The following LCOR variants were observed in gnomAD, a reference collection of about 807,000 sequenced individuals.
LCOR encodes ligand-dependent corepressor.
Under a neutral mutation model 64.4 loss-of-function variants are expected in LCOR, and 14 were observed. The observed-to-expected ratio is 0.22, with a 90% CI of 0.14 to 0.34. The LOEUF is 0.34. Ranked by LOEUF, LCOR falls within the 10% of genes least tolerant of loss-of-function variation. The pLI, the probability that LCOR is intolerant of heterozygous loss-of-function variation, is 1.00. For missense variants in LCOR, 1,686 were observed against 1,765.3 expected (o/e 0.96, Z 0.80); for synonymous variants, 643 against 642.5 (o/e 1.00, Z -0.01).
At chr10:96,885,498 C>T (rs892923336) in intron 2 of LCOR, among the ~76,000 whole-genome samples, 4 of 151,862 alleles carry the variant, frequency 2.6e-5, no homozygotes, top group African/African-American at 9.7e-5. Context: ...CCTCCTGCCT[C>T]AGCCTCCCAA....
intron 2 of LCOR, among the ~76,000 whole-genome samples, chr10:96,863,209 T>G (rs921450908): frequency 2.7e-5 from 4 of 148,508 alleles, no homozygotes; most frequent in Non-Finnish European, 6.0e-5. Flanking sequence ...TTTTTCTGTT[T>G]TTTTTTTTTT....
chr10:96,850,471 A>G (rs1845705952), intron 2 of LCOR, among the ~76,000 whole-genome samples: 2 of 152,164 alleles, frequency 1.3e-5, no homozygotes, highest in African/African-American at 4.8e-5. Flanking sequence ...AAGAAGAGAT[A>G]TGGCATTAAA....
At chr10:96,866,679 A>G (rs963446862) in intron 2 of LCOR, among the ~76,000 whole-genome samples, 4 of 152,102 alleles carry the variant, frequency 2.6e-5, no homozygotes, top group East Asian at 1.9e-4. Context: ...GGTTCAAGCA[A>G]TTCTCCTGCC....
At chr10:96,860,122 A>G (rs1845864196) in intron 2 of LCOR, among the ~76,000 whole-genome samples, 1 of 152,224 alleles carries the variant, frequency 6.6e-6, no homozygotes, top group Non-Finnish European at 1.5e-5. Flanking sequence ...AAAAATTGAT[A>G]AATATTCTAA....
At chr10:96,958,387 T>TA (rs1174747302) in intron 7 of LCOR, 1 of 1,527,538 alleles carries the variant, frequency 6.5e-7, no homozygotes, top group African/African-American at 1.4e-5. Flanking sequence ...TTTACTAACA[T>TA]AAATATTTTC....
At chr10:96,930,307 T>TA (rs777405407) in intron 4 of LCOR, among the ~76,000 whole-genome samples, 11 of 150,248 alleles carry the variant, frequency 7.3e-5, no homozygotes, top group Non-Finnish European at 1.5e-4. Flanking sequence ...AATCTAGTAG[T>TA]ATGAGTCTTC....
At chr10:96,833,671 G>T (rs7917855) in intron 2 of LCOR, among the ~76,000 whole-genome samples, 192 bp downstream of exon 2, 6,789 of 152,274 alleles carry the variant, frequency 0.045, 504 homozygotes, top group African/African-American at 0.15. Context: ...CAGAATTCCA[G>T]CCCCTTCTCC....
Position 96,994,225 on chromosome 10 carries a change from A to G in LCOR, c.*9091A>G, listed in dbSNP as rs1589355083. On this transcript the variant is annotated 3_prime_UTR_variant, in exon 8 of 8. Coordinates refer to ENST00000421806, the MANE Select transcript of LCOR (RefSeq NM_001346516.2). ...GTGGCCAGTTCAATGTCCTTTGGCT[A>G]TATTTGACCTACCTTTAAAACCTAG... The G allele has an allele frequency of 6.6e-6, 1 of 152,302 alleles. No homozygotes were observed. Among genetic ancestry groups the G allele is most frequent in the East Asian group, 1.9e-4 (1 of 5,186 alleles). The allele number at this position is 152,302 out of a possible 1,614,324, so 9.4% of individuals were successfully genotyped here. A position where few individuals can be genotyped will look rare whatever the true frequency, so the allele number is the denominator to read the frequency against.
At chr10:96,969,774 C>CTTTTTTTTTTTT (rs58881683) in intron 7 of LCOR, among the ~76,000 whole-genome samples, 365 of 124,096 alleles carry the variant, frequency 2.9e-3, no homozygotes, top group African/African-American at 3.5e-3. Flanking sequence ...TTTTTTTTTT[C>CTTTTTTTTTTTT]TTTTTTTTTT....
intron 4 of LCOR, among the ~76,000 whole-genome samples, chr10:96,943,253 G>A (rs1313919540): frequency 6.6e-6 from 1 of 152,078 alleles, no homozygotes; most frequent in Non-Finnish European, 1.5e-5. Flanking sequence ...GTGCCACCAC[G>A]CCCAGCTAAT....
intron 4 of LCOR, among the ~76,000 whole-genome samples, chr10:96,938,915 G>C (rs1441873789): frequency 6.6e-6 from 1 of 152,162 alleles, no homozygotes; most frequent in Non-Finnish European, 1.5e-5. Flanking sequence ...ACTTAAAATT[G>C]TTACTATGGT....
chr10:96,952,207 A>C lies in LCOR; in HGVS notation c.332+11A>C, dbSNP rs751260761. On this transcript the variant is annotated intron_variant, in intron 7 of 7. Coordinates refer to ENST00000421806, the MANE Select transcript of LCOR (RefSeq NM_001346516.2). ...TACTCAAGGGAACGGGTAAGGGAGA[A>C]TATTTGTAGCCTTACACAGTTTCAT... 3.2e-6 allele frequency: 5 copies of C among 1,574,338 alleles called. No homozygotes were observed. Among genetic ancestry groups the C allele is most frequent in the Non-Finnish European group, 4.4e-6 (5 of 1,144,338 alleles).
chr10:96,985,232 A>G lies in LCOR; in HGVS notation c.*98A>G. On this transcript the variant is annotated 3_prime_UTR_variant, in exon 8 of 8. Transcript: ENST00000421806. Reference sequence around the variant, plus strand: ...TTTTATAAGCTTATCAAGCCTTTCAAATTTACAGTTAATGGAGAACACCGT... The same window carrying G: ...TTTTATAAGCTTATCAAGCCTTTCAGATTTACAGTTAATGGAGAACACCGT... 7.2e-7 allele frequency: 1 copy of G among 1,396,218 alleles called. No individual in the cohort carries two copies. The highest frequency in any genetic ancestry group is 1.7e-5 in the South Asian group (1 of 57,462). 86.5% of individuals were successfully genotyped at this position (1,396,218 alleles called of 1,614,324 possible).
In LCOR at chr10:96,873,557, TACAC is replaced by T. The variant is rs34692687; in HGVS notation, c.-329-33697_-329-33694del. On this transcript the variant is annotated intron_variant, in intron 2 of 7. Coordinates refer to ENST00000421806, the MANE Select transcript of LCOR (RefSeq NM_001346516.2). ...CTAAGTAAGTTGTTTTGTTTTTCGA[TACAC>T]ACACACACACGTGTGTGTGTGTGTG... is the stretch of plus-strand genomic sequence containing the variant. 4.3e-3 allele frequency among the ~76,000 whole-genome samples: 594 copies of T among 138,166 alleles called. 5 individuals are homozygous for T. The highest frequency in any genetic ancestry group is 0.036 in the East Asian group (158 of 4,404). The allele number at this position is 138,166 out of a possible 152,430, so 90.6% of individuals were successfully genotyped here.
intron 2 of LCOR, among the ~76,000 whole-genome samples, chr10:96,872,556 G>A (rs118098427): frequency 1.8e-3 from 277 of 152,216 alleles, no homozygotes; most frequent in East Asian, 0.011. Flanking sequence ...TTGGTGGTAC[G>A]CACCTGTAGT....
chr10:96,982,666 G>A lies in LCOR; in HGVS notation c.2206G>A (p.Gly736Arg). 1 of 1,614,148 alleles carries A rather than the reference G, an allele frequency of 6.2e-7. No homozygotes were observed. The highest frequency in any genetic ancestry group is 1.1e-5 in the South Asian group (1 of 91,072). The change falls in exon 8 of 8, where the codon GGA becomes AGA. Residue 736 changes from glycine (G) to arginine (R), a missense_variant. By Grantham distance (125) the Gly-to-Arg change is moderately radical. Coordinates refer to ENST00000421806, the MANE Select transcript of LCOR (RefSeq NM_001346516.2). ...AAGCATCAGTGCTGAGGTTGAGTCT[G>A]GAGACACCCAGGAGCTAAATGTCGA... Reference protein sequence around the residue: ...NQSISAEVESGDTQELNVDPL... With the variant: ...NQSISAEVESRDTQELNVDPL...
intron 2 of LCOR, among the ~76,000 whole-genome samples, chr10:96,866,022 T>G (rs572336646): frequency 6.6e-6 from 1 of 152,182 alleles, no homozygotes; most frequent in Non-Finnish European, 1.5e-5. Context: ...GGAGTTCATA[T>G]AAAAGGAACT....
intron 2 of LCOR, among the ~76,000 whole-genome samples, chr10:96,905,605 C>T (rs142783591): frequency 6.6e-6 from 1 of 152,202 alleles, no homozygotes; most frequent in East Asian, 1.9e-4. Flanking sequence ...CCCCACAGCC[C>T]TACCCCAACC....
At chr10:96,837,110 G>A (rs1354321098) in intron 2 of LCOR, among the ~76,000 whole-genome samples, 2 of 151,752 alleles carry the variant, frequency 1.3e-5, no homozygotes, top group African/African-American at 4.8e-5. Context: ...TCCTGCCTCA[G>A]CCTCCGAGTA....
Sources: gnomAD v4.1 joint callset for allele counts (sites outside exome capture counted in the v4.1 genomes callset) on GRCh38, gnomAD v4.1.1 for gene constraint, MANE v1.5 for transcripts, NCBI Gene and HGNC (gene_info 2026-07-23, HGNC 2026-07-21) for gene names.